The following SLC2A14 variants were observed in gnomAD, a reference collection of about 807,000 sequenced individuals.
The protein encoded by SLC2A14 is solute carrier family 2 member 14.
SLC2A14 carries 13 observed loss-of-function variants against 43.0 expected under a neutral mutation model. That is an observed-to-expected ratio of 0.30 (90% CI 0.20 to 0.48). SLC2A14 has a LOEUF of 0.48. Among genes scored for constraint, SLC2A14 ranks in the 20% least tolerant of loss-of-function variants. The probability of loss-of-function intolerance (pLI) is 0.99; values close to 1 mark genes in which losing one functional copy is unlikely to be tolerated. For synonymous variants in SLC2A14, 190 were observed against 233.8 expected (o/e 0.81, Z 1.71); for missense variants, 428 against 620.4 (o/e 0.69, Z 3.29).
chr12:7,889,833 G>C (rs942503398), intron 1 of SLC2A14, among the ~76,000 whole-genome samples: 1 of 152,146 alleles, frequency 6.6e-6, no homozygotes, highest in African/African-American at 2.4e-5. Flanking sequence ...TGGTCGTCTG[G>C]TTGCCCATTT....
At chr12:7,889,233 C>CCTT (rs71451926) in intron 1 of SLC2A14, among the ~76,000 whole-genome samples, 1 of 132,360 alleles carries the variant, frequency 7.6e-6, no homozygotes, top group African/African-American at 2.8e-5. Context: ...GCTGGTTGCC[C>CCTT]TTTTTTTTTT....
At chr12:7,872,995 T>A (rs1945325168), upstream of SLC2A14, 1 of 985,352 alleles carries the variant, frequency 1.0e-6, no homozygotes, top group Non-Finnish European at 1.2e-6. Context: ...TCGGGAGCCC[T>A]CCGTAAGCAA....
chr12:7,870,030 A>G (rs1565578261), intron 1 of SLC2A14, 93 bp from the exon 2 acceptor site: 1 of 602,714 alleles, frequency 1.7e-6, no homozygotes, highest in Non-Finnish European at 2.8e-6. Context: ...GCCAATGGAC[A>G]CTCCAATAAA....
intron 2 of SLC2A14, among the ~76,000 whole-genome samples, chr12:7,851,717 A>G (rs967424358): frequency 2.6e-5 from 4 of 152,180 alleles, no homozygotes; most frequent in African/African-American, 7.2e-5. Flanking sequence ...GTATCTGGGT[A>G]TGGCTGAGAA....
chr12:7,839,671 A>C (rs34902187), intron 2 of SLC2A14: 198,281 of 313,872 alleles, frequency 0.63, 62,919 homozygotes, highest in African/African-American at 0.73. Flanking sequence ...CTCCAAAATT[A>C]ATGCAGAAAC....
rs564823848 is a variant in SLC2A14, at chr12:7,881,507, G to A, written c.132+9489C>T. Among the ~76,000 whole-genome samples the A allele has an allele frequency of 2.0e-5, 3 of 152,272 alleles. No individual in the cohort carries two copies. In the South Asian group the frequency reaches 6.2e-4, roughly 32 times the overall value. On this transcript the variant is annotated intron_variant, in intron 1 of 9. Coordinates refer to the SLC2A14 transcript ENST00000539924. ...GCACTCGATTTCTCCCCAGGCCTTA[G>A]CTGCCTTCCCATGGGGCAGGGCTCA...
At chr12:7,843,239 C>T (rs1012312029) in intron 2 of SLC2A14, among the ~76,000 whole-genome samples, 5 of 150,734 alleles carry the variant, frequency 3.3e-5, no homozygotes, top group African/African-American at 7.3e-5. Context: ...GTGAATGAAG[C>T]GCATTAGACT....
chr12:7,816,648 G>T (rs1277264466), intron 10 of SLC2A14, among the ~76,000 whole-genome samples: 1 of 151,650 alleles, frequency 6.6e-6, no homozygotes, highest in African/African-American at 2.4e-5. Context: ...AGGATCACTT[G>T]AACCCAGGAG....
chr12:7,841,613 T>C (rs1865952026), intron 2 of SLC2A14, among the ~76,000 whole-genome samples: 1 of 152,222 alleles, frequency 6.6e-6, no homozygotes, highest in Non-Finnish European at 1.5e-5. Context: ...TATTATTACA[T>C]AAAGTCCATA....
chr12:7,830,218 T>A (rs953492330), intron 4 of SLC2A14, among the ~76,000 whole-genome samples: 1 of 151,502 alleles, frequency 6.6e-6, no homozygotes, highest in Non-Finnish European at 1.5e-5. Flanking sequence ...AGTGGCGCGA[T>A]CTCCGCTCAC....
chr12:7,883,912 T>TTTTCTTTCTTTC (rs71451923), intron 1 of SLC2A14, among the ~76,000 whole-genome samples: 70 of 140,858 alleles, frequency 5.0e-4, no homozygotes, highest in South Asian at 4.6e-3. Flanking sequence ...CTGAATTAAC[T>TTTTCTTTCTTTC]TTTCTTTCTT....
intron 2 of SLC2A14, among the ~76,000 whole-genome samples, chr12:7,835,267 G>A (rs1377294921): frequency 1.3e-5 from 2 of 152,132 alleles, no homozygotes; most frequent in Non-Finnish European, 2.9e-5. Flanking sequence ...TGCGCCTGTA[G>A]TCCCAGCTAC....
chr12:7,839,900 C>T (rs1348988878), intron 2 of SLC2A14: 12 of 400,686 alleles, frequency 3.0e-5, no homozygotes, highest in East Asian at 1.7e-4. Context: ...CCAGCCTGGG[C>T]GACACAAGGA....
At chr12:7,878,999 A>C (rs1264828207) in intron 1 of SLC2A14, among the ~76,000 whole-genome samples, 16 of 136,454 alleles carry the variant, frequency 1.2e-4, no homozygotes, top group African/African-American at 3.5e-4. Flanking sequence ...AAAAAAAAAA[A>C]AAAAAACAAT....
intron 6 of SLC2A14, among the ~76,000 whole-genome samples, chr12:7,828,387 A>C (rs754795884): frequency 2.0e-5 from 3 of 149,876 alleles, no homozygotes; most frequent in Admixed American, 6.7e-5. Context: ...AAAGTACAAA[A>C]GTAGCCAGGC....
chr12:7,879,315 A>AGAAAG (rs142347088), intron 1 of SLC2A14, among the ~76,000 whole-genome samples: 2 of 49,438 alleles, frequency 4.0e-5, no homozygotes, highest in African/African-American at 8.8e-5. Context: ...CTCTGCAAAA[A>AGAAAG]AAAACAAACA....
At chr12:7,862,093 G>A (rs1390183509) in intron 2 of SLC2A14, among the ~76,000 whole-genome samples, 7 of 151,104 alleles carry the variant, frequency 4.6e-5, no homozygotes, top group Non-Finnish European at 8.9e-5. Context: ...GTGAAACCCC[G>A]TCTCTACTAA....
chr12:7,884,302 G>C lies in SLC2A14; in HGVS notation c.132+6694C>G, dbSNP rs558547496. ...TAATTAAACTTATTTACTCCTGGAG[G>C]CTGGGACCTCTTGCTCCTTCTTCCT... On this transcript the variant is annotated intron_variant, in intron 1 of 9. Transcript: ENST00000539924. Among the ~76,000 whole-genome samples, 3 of 152,088 alleles carry C rather than the reference G, an allele frequency of 2.0e-5. 1 individual carries two copies. Among genetic ancestry groups the C allele is most frequent in the Non-Finnish European group, 4.4e-5 (3 of 68,020 alleles).
intron 2 of SLC2A14, among the ~76,000 whole-genome samples, chr12:7,846,593 T>C (rs1866485393): frequency 6.6e-6 from 1 of 151,752 alleles, no homozygotes; most frequent in South Asian, 2.1e-4. Context: ...AACTATAGTA[T>C]ATCAAAAGAA....
Sources: allele counts gnomAD v4.1 joint callset (sites outside exome capture counted in the v4.1 genomes callset), GRCh38; gene constraint gnomAD v4.1.1; transcripts MANE v1.5; gene names NCBI Gene and HGNC (gene_info 2026-07-23, HGNC 2026-07-21).